Variants in DNAH11 observed in about 807,000 individuals in gnomAD.
The protein encoded by DNAH11 is axonemal beta dynein heavy chain 11.
DNAH11 carries 442 observed loss-of-function variants against 526.0 expected under a neutral mutation model. The ratio of observed to expected loss-of-function variants is 0.84; its 90% CI spans 0.78 to 0.91. The LOEUF (loss-of-function observed/expected upper bound fraction) is 0.91. Among genes scored for constraint, DNAH11 ranks in the 40% least tolerant of loss-of-function variants. DNAH11 has a pLI of 0.00. For missense variants in DNAH11, 6,989 were observed against 5,448.7 expected, an observed-to-expected ratio of 1.28 and a Z score of -8.90; for synonymous variants, 2,461 against 1,935.9, an observed-to-expected ratio of 1.27 and a Z score of -7.12.
intron 81 of DNAH11, 105 bp downstream of exon 81, chr7:21,900,225 A>C (rs779213043): frequency 2.2e-5 from 27 of 1,214,470 alleles, no homozygotes; most frequent in Admixed American, 3.0e-5. Flanking sequence ...TCACACAGTA[A>C]CCTTATGCTA....
At chr7:21,645,877 C>G (rs1583559058) in intron 28 of DNAH11, among the ~76,000 whole-genome samples, 1 of 152,240 alleles carries the variant, frequency 6.6e-6, no homozygotes, top group East Asian at 1.9e-4. Flanking sequence ...TCTTCATAAT[C>G]TTGCACTAAG....
intron 68 of DNAH11, among the ~76,000 whole-genome samples, chr7:21,855,496 T>C (rs1476738029): frequency 6.6e-6 from 1 of 152,238 alleles, no homozygotes; most frequent in Non-Finnish European, 1.5e-5. Flanking sequence ...CTTTGGCTCA[T>C]TCTTTATCCC....
rs1583626387 is a variant in DNAH11 at position 21,720,973 on chromosome 7, C to G, written c.7266+117C>G. 14 of 1,296,544 alleles carry G rather than the reference C, an allele frequency of 1.1e-5. No homozygotes were observed. In the East Asian group the frequency reaches 3.9e-4, roughly 36 times the overall value. The allele number at this position is 1,296,544 out of a possible 1,614,324, so 80.3% of individuals were successfully genotyped here. A position where few individuals can be genotyped will look rare whatever the true frequency, so the allele number is the denominator to read the frequency against. ...TTATGTTATAGATCTATACTGCTTG[C>G]CCTGTTCTCTCCTAAGTCTATGCAT... On this transcript the variant is annotated intron_variant, in intron 44 of 81. Coordinates refer to ENST00000409508, the MANE Select transcript of DNAH11 (RefSeq NM_001277115.2).
intron 65 of DNAH11, among the ~76,000 whole-genome samples, chr7:21,820,416 T>A (rs77326729): frequency 0.016 from 2,463 of 152,272 alleles, 59 homozygotes; most frequent in African/African-American, 0.051. Flanking sequence ...AAAAATTACC[T>A]TTGATTACAT....
chr7:21,591,661 G>C, intron 14 of DNAH11, 84 bp downstream of exon 14: 1 of 1,336,000 alleles, frequency 7.5e-7, no homozygotes, highest in Non-Finnish European at 9.9e-7. Flanking sequence ...AATAATGTGG[G>C]ACTCTTTTAT....
At chr7:21,627,043 C>T (rs769421724) in intron 25 of DNAH11, among the ~76,000 whole-genome samples, 7 of 152,052 alleles carry the variant, frequency 4.6e-5, no homozygotes, top group African/African-American at 7.2e-5. Context: ...CCACAGCGCC[C>T]GGCCTGTGTG....
At chr7:21,857,396 G>A (rs577136170) in intron 68 of DNAH11, among the ~76,000 whole-genome samples, 1 of 152,254 alleles carries the variant, frequency 6.6e-6, no homozygotes, top group Admixed American at 6.5e-5. Flanking sequence ...GCTCCAAACT[G>A]ATTTATAGAT....
At chr7:21,628,826 T>A (rs769061448) in intron 25 of DNAH11, among the ~76,000 whole-genome samples, 5 of 152,116 alleles carry the variant, frequency 3.3e-5, no homozygotes, top group Non-Finnish European at 5.9e-5. Flanking sequence ...GCTAAAGGCT[T>A]ATCAATTTTA....
At position 21,787,317 on chromosome 7, in the gene DNAH11, C is replaced by G. The variant is rs1037753970; in HGVS notation, c.9742-84C>G. ...CAATTTTGCTTTTGTAATGTGAGTC[C>G]TAAAAGCTGATTTTAACTTTTGATC... On this transcript the variant is annotated intron_variant, in intron 59 of 81. Coordinates refer to ENST00000409508, the MANE Select transcript of DNAH11 (RefSeq NM_001277115.2). The G allele has an allele frequency of 1.1e-5, 16 of 1,415,336 alleles. No individual in the cohort carries two copies. The African/African-American group carries it at 2.3e-4, about 20-fold the overall frequency. 87.7% of individuals were successfully genotyped at this position (1,415,336 alleles called of 1,614,324 possible). A position where few individuals can be genotyped will look rare whatever the true frequency, so the allele number is the denominator to read the frequency against.
At chr7:21,610,443 A>T (rs1268433532) in intron 20 of DNAH11, among the ~76,000 whole-genome samples, 1 of 152,204 alleles carries the variant, frequency 6.6e-6, no homozygotes, top group Non-Finnish European at 1.5e-5. Flanking sequence ...TCTGGAAAAA[A>T]GCACTCTCAT....
intron 25 of DNAH11, among the ~76,000 whole-genome samples, chr7:21,630,220 C>A (rs1257911504): frequency 3.9e-5 from 6 of 151,924 alleles, no homozygotes; most frequent in Admixed American, 3.9e-4. Flanking sequence ...TTCCCCCCAC[C>A]CCACATTTTG....
At chr7:21,616,572 A>G (rs959293162) in intron 22 of DNAH11, among the ~76,000 whole-genome samples, 15 of 152,182 alleles carry the variant, frequency 9.9e-5, no homozygotes, top group African/African-American at 3.6e-4. Flanking sequence ...GAGGAACATT[A>G]TCAGGGCCAA....
intron 28 of DNAH11, among the ~76,000 whole-genome samples, chr7:21,641,763 C>G (rs1049892051): frequency 1.3e-5 from 2 of 152,204 alleles, no homozygotes; most frequent in African/African-American, 4.8e-5. Context: ...TCTCCATTAT[C>G]AGTGTGACTT....
intron 28 of DNAH11, among the ~76,000 whole-genome samples, chr7:21,652,512 TA>T (rs1781824803): frequency 6.6e-6 from 1 of 152,176 alleles, no homozygotes; most frequent in Admixed American, 6.5e-5. Flanking sequence ...TTTAGTGTTT[TA>T]AAATGCAGTT....
chr7:21,790,868 A>G (rs1431012698), intron 61 of DNAH11, among the ~76,000 whole-genome samples: 1 of 152,240 alleles, frequency 6.6e-6, no homozygotes, highest in East Asian at 1.9e-4. Context: ...TGCCTTTCAC[A>G]CTACAGAATT....
At position 21,866,478 on chromosome 7, in the gene DNAH11, C is replaced by T. The variant is rs762186712; in HGVS notation, c.11505C>T (p.Ala3835=). 1.1e-5 allele frequency: 18 copies of T among 1,609,894 alleles called. No individual in the cohort carries two copies. Among genetic ancestry groups the T allele is most frequent in the Non-Finnish European group, 1.4e-5 (16 of 1,178,468 alleles). ...SQSWSAIKAI[A]VMEEFRGIDR... is the part of the protein sequence containing the mutation. ...TCCCTATCATATTACAGGCAATTGC[C>T]GTCATGGAAGAATTTCGAGGCATAG... The change falls in exon 71 of 82, where the codon GCC becomes GCT. Residue 3835 remains alanine (A), a synonymous_variant. Transcript: ENST00000409508.
Position 21,900,081 on chromosome 7 carries a change from C to G in DNAH11, c.13264C>G (p.Pro4422Ala). The change falls in exon 81 of 82, where the codon CCA (proline) becomes GCA (alanine). Residue 4422 changes from proline to alanine, a missense_variant. Coordinates refer to ENST00000409508, the MANE Select transcript of DNAH11 (RefSeq NM_001277115.2). ...KKTKEDYGHPPREGAYLHGLF... is the reference protein window; with the variant it reads ...KKTKEDYGHPAREGAYLHGLF... ...AACAAAGGAAGATTATGGACACCCG[C>G]CAAGGGAAGGTGCATACCTCCACGG... The G allele has an allele frequency of 5.0e-6, 8 of 1,613,914 alleles. No individual in the cohort carries two copies. Among genetic ancestry groups the G allele is most frequent in the Non-Finnish European group, 6.8e-6 (8 of 1,179,838 alleles).
chr7:21,664,342 G>T (rs553943354), intron 30 of DNAH11, among the ~76,000 whole-genome samples: 20 of 151,206 alleles, frequency 1.3e-4, no homozygotes, highest in South Asian at 8.4e-4. Context: ...TTTATGTCTG[G>T]TTTTTTTTCT....
At chr7:21,650,559 T>C (rs944942561) in intron 28 of DNAH11, among the ~76,000 whole-genome samples, 57 of 147,958 alleles carry the variant, frequency 3.9e-4, no homozygotes, top group Non-Finnish European at 7.2e-4. Flanking sequence ...TTTTTTTTTT[T>C]CCAATTTAGA....
Sources: allele counts gnomAD v4.1 joint callset (sites outside exome capture counted in the v4.1 genomes callset), GRCh38; gene constraint gnomAD v4.1.1; transcripts MANE v1.5; gene names NCBI Gene and HGNC (gene_info 2026-07-23, HGNC 2026-07-21).